The following PCNX1 variants were observed in gnomAD, a reference collection of about 807,000 sequenced individuals.
PCNX1 encodes pecanex-like protein 1.
Under a neutral mutation model 242.2 loss-of-function variants are expected in PCNX1, and 78 were observed. The observed-to-expected ratio is 0.32, with a 90% CI of 0.27 to 0.39. The LOEUF (loss-of-function observed/expected upper bound fraction) is 0.39, where lower values mean the gene tolerates loss of function less well. Ranked by LOEUF, PCNX1 falls within the 10% of genes least tolerant of loss-of-function variation. PCNX1 has a pLI of 1.00. For missense variants in PCNX1, 2,581 were observed against 2,856.5 expected, an observed-to-expected ratio of 0.90 and a Z score of 2.20; for synonymous variants, 1,024 against 1,032.9, an observed-to-expected ratio of 0.99 and a Z score of 0.17.
intron 8 of PCNX1, among the ~76,000 whole-genome samples, chr14:71,002,412 A>C (rs1198839568): frequency 6.6e-6 from 1 of 150,582 alleles, no homozygotes; most frequent in Non-Finnish European, 1.5e-5. Context: ...TGTTAAATGT[A>C]TACAATTCAA....
chr14:71,098,266 C>CT (rs1311257070), intron 30 of PCNX1, among the ~76,000 whole-genome samples: 1 of 151,996 alleles, frequency 6.6e-6, no homozygotes. Context: ...TGTTCAGGCT[C>CT]TTTTTTTGCT....
chr14:71,055,279 A>C (rs1477590402), intron 24 of PCNX1, among the ~76,000 whole-genome samples: 5 of 152,210 alleles, frequency 3.3e-5, no homozygotes, highest in Non-Finnish European at 7.3e-5. Flanking sequence ...TACAATAAAA[A>C]AAAAACTGCT....
intron 1 of PCNX1, among the ~76,000 whole-genome samples, chr14:70,927,341 A>G (rs1320776545): frequency 6.6e-6 from 1 of 152,138 alleles, no homozygotes; most frequent in Non-Finnish European, 1.5e-5. Context: ...TCTGTTAGGC[A>G]TCTTTCACAT....
chr14:70,966,262 A>G (rs1054296644), intron 3 of PCNX1, among the ~76,000 whole-genome samples: 6 of 152,224 alleles, frequency 3.9e-5, no homozygotes, highest in African/African-American at 1.4e-4. Flanking sequence ...AACAAGTAAT[A>G]GAATACTCAA....
At position 71,050,726 on chromosome 14, in the gene PCNX1, T is replaced by C. The variant is rs1566748604; in HGVS notation, c.4413T>C (p.Ala1471=). 1 of 1,613,828 alleles carries C rather than the reference T, an allele frequency of 6.2e-7. No homozygotes were observed. ...CATGGCAGATCACATGGGGTTCTGC[T>C]TTCCATGCTTTTGCTCAGCCTTTTG... is the stretch of plus-strand genomic sequence containing the variant. ...IAPWQITWGS[A]FHAFAQPFAV... is the part of the protein sequence containing the mutation. The change falls in exon 23 of 36, where the codon GCT becomes GCC. Residue 1471 remains alanine (A), a synonymous_variant. Transcript: ENST00000304743.
At chr14:70,998,020 T>A (rs1372979104) in intron 8 of PCNX1, among the ~76,000 whole-genome samples, 1 of 152,230 alleles carries the variant, frequency 6.6e-6, no homozygotes, top group African/African-American at 2.4e-5. Context: ...TTTTTACATG[T>A]GAAGGTATAT....
At chr14:70,933,022 G>A (rs1270523137) in intron 1 of PCNX1, among the ~76,000 whole-genome samples, 2 of 151,830 alleles carry the variant, frequency 1.3e-5, no homozygotes, top group East Asian at 1.9e-4. Flanking sequence ...TCACTGAGGG[G>A]GAAGACACCA....
intron 16 of PCNX1, chr14:71,031,542 A>G: frequency 2.3e-6 from 1 of 436,404 alleles, no homozygotes; most frequent in South Asian, 2.0e-5. Context: ...AGCACACAAG[A>G]ATGCCCCAAC....
intron 1 of PCNX1, among the ~76,000 whole-genome samples, chr14:70,936,238 G>A (rs2056997818): frequency 6.6e-6 from 1 of 151,868 alleles, no homozygotes; most frequent in African/African-American, 2.4e-5. Flanking sequence ...CCATTAACTC[G>A]TCATTTACAT....
chr14:70,977,021 T>G lies in PCNX1; in HGVS notation c.684T>G (p.Cys228Trp), dbSNP rs1452346112. Residue 228 changes from cysteine to tryptophan, a missense_variant, in exon 6 of 36, where the codon TGT (cysteine) becomes TGG (tryptophan). Coordinates refer to ENST00000304743, the MANE Select transcript of PCNX1 (RefSeq NM_014982.3). ...FISIQPSLSS[C>W]GQDLPRDFSD... ...CTATTCAGCCTTCCTTATCCTCTTG[T>G]GGACAGGACTTGCCAAGGGACTTCA... The G allele has an allele frequency of 6.2e-7, 1 of 1,614,192 alleles. No homozygotes were observed.
chr14:71,005,266 G>A (rs925228403), intron 8 of PCNX1, among the ~76,000 whole-genome samples: 1 of 152,188 alleles, frequency 6.6e-6, no homozygotes, highest in African/African-American at 2.4e-5. Context: ...ACGTTGGGAG[G>A]CTGAGGCAGG....
intron 11 of PCNX1, 90 bp from the exon 12 acceptor site, chr14:71,018,919 C>G: frequency 9.0e-7 from 1 of 1,117,012 alleles, no homozygotes; most frequent in Non-Finnish European, 1.3e-6. Context: ...ATACCATGAA[C>G]TTCATATTTA....
intron 30 of PCNX1, among the ~76,000 whole-genome samples, chr14:71,094,850 G>T (rs1181545217): frequency 6.6e-6 from 1 of 152,142 alleles, no homozygotes; most frequent in Non-Finnish European, 1.5e-5. Context: ...GGGATCATTT[G>T]AGTCCAAGAG....
At chr14:71,084,885 A>C (rs2061945314) in intron 28 of PCNX1, among the ~76,000 whole-genome samples, 1 of 152,078 alleles carries the variant, frequency 6.6e-6, no homozygotes, top group Admixed American at 6.5e-5. Flanking sequence ...TCCAGGCGCC[A>C]CTGGGGTATG....
intron 5 of PCNX1, among the ~76,000 whole-genome samples, chr14:70,975,233 A>G (rs1007027264): frequency 3.3e-5 from 5 of 152,204 alleles, no homozygotes; most frequent in Non-Finnish European, 7.4e-5. Context: ...TAGAAATAAC[A>G]TTATAATTTA....
Position 71,112,442 on chromosome 14 carries a change from TTTC to T in PCNX1, c.*2510_*2512del, listed in dbSNP as rs1376480021. 1 of 152,104 alleles carries T rather than the reference TTTC, an allele frequency of 6.6e-6. No homozygotes were observed. The highest frequency in any genetic ancestry group is 1.5e-5 in the Non-Finnish European group (1 of 67,936). The allele number at this position is 152,104 out of a possible 1,614,324, so 9.4% of individuals were successfully genotyped here. On this transcript the variant is annotated 3_prime_UTR_variant, in exon 36 of 36. Coordinates refer to ENST00000304743, the MANE Select transcript of PCNX1 (RefSeq NM_014982.3). ...AACCCTGAGAAGAAGCCCTGTTGTT[TTTC>T]TTAAGAGTCTAAAACTGACAATCTT...
At chr14:71,051,165 TC>T (rs2061019131) in intron 23 of PCNX1, among the ~76,000 whole-genome samples, 2 of 77,002 alleles carry the variant, frequency 2.6e-5, no homozygotes, top group Non-Finnish European at 4.4e-5. Context: ...CAAAACTCTG[TC>T]TCAAAAAAAA....
chr14:71,088,238 ATTCT>A lies in PCNX1; in HGVS notation c.5338-89_5338-86del, dbSNP rs1402178401. The A allele has an allele frequency of 6.0e-5, 39 of 654,968 alleles. No homozygotes were observed. The South Asian group carries it at 7.6e-4, about 13-fold the overall frequency. The allele number at this position is 654,968 out of a possible 1,614,324, so 40.6% of individuals were successfully genotyped here. On this transcript the variant is annotated intron_variant, in intron 28 of 35. Coordinates refer to ENST00000304743, the MANE Select transcript of PCNX1 (RefSeq NM_014982.3). ...GAGATAGAAATTATGTACTCTTTGA[ATTCT>A]TTATCATTTCGCTATATTATTTCGA...
At chr14:70,991,803 A>C (rs549082894) in intron 7 of PCNX1, among the ~76,000 whole-genome samples, 2 of 152,326 alleles carry the variant, frequency 1.3e-5, no homozygotes, top group East Asian at 3.9e-4. Context: ...ATAGGATGAT[A>C]TGGTCATTTA....
Sources: gnomAD v4.1 joint callset for allele counts (sites outside exome capture counted in the v4.1 genomes callset) on GRCh38, gnomAD v4.1.1 for gene constraint, MANE v1.5 for transcripts, NCBI Gene and HGNC (gene_info 2026-07-23, HGNC 2026-07-21) for gene names.